PARD3B: variants seen among roughly 807,000 people sequenced by gnomAD.
The protein encoded by PARD3B is par-3 family cell polarity regulator beta.
Under a neutral mutation model 130.2 loss-of-function variants are expected in PARD3B, and 103 were observed. The ratio of observed to expected loss-of-function variants is 0.79; its 90% confidence interval spans 0.67 to 0.93. PARD3B has a LOEUF of 0.93. PARD3B is among the 40% of genes least tolerant of loss of function. PARD3B has a pLI of 0.00. For missense variants in PARD3B, 1,609 were observed against 1,499.2 expected, an observed-to-expected ratio of 1.07 and a Z score of -1.21; for synonymous variants, 583 against 553.2, an observed-to-expected ratio of 1.05 and a Z score of -0.76.
chr2:204,912,693 AC>A (rs745523063), intron 2 of PARD3B, among the ~76,000 whole-genome samples: 6 of 152,228 alleles, frequency 3.9e-5, no homozygotes, highest in Non-Finnish European at 5.9e-5. Context: ...TTGTTAAGCA[AC>A]AAAGGAAAAT....
Position 205,502,110 on chromosome 2 carries a change from C to T in PARD3B, c.3180+2079C>T, listed in dbSNP as rs1370170213. Among the ~76,000 whole-genome samples, 3 of 152,174 alleles carry T rather than the reference C, an allele frequency of 2.0e-5. No homozygotes were observed. The South Asian group carries it at 6.2e-4, about 32-fold the overall frequency. Reference sequence around the variant, plus strand: ...ATCTCAGCATCCTTTCCTCTCCTCTCCCCACGCCAAGGAAAAACACTAGTG... The same window carrying T: ...ATCTCAGCATCCTTTCCTCTCCTCTTCCCACGCCAAGGAAAAACACTAGTG... On this transcript the variant is annotated intron_variant, in intron 21 of 22. Coordinates refer to ENST00000406610, the MANE Select transcript of PARD3B (RefSeq NM_001302769.2).
At position 205,500,994 on chromosome 2, in the gene PARD3B, C is replaced by T. The variant is rs559892286; in HGVS notation, c.3180+963C>T. Among the ~76,000 whole-genome samples the T allele has an allele frequency of 7.9e-5, 12 of 152,280 alleles. No homozygotes were observed. The South Asian group carries it at 2.3e-3, about 29-fold the overall frequency. On this transcript the variant is annotated intron_variant, in intron 21 of 22. Coordinates refer to ENST00000406610, the MANE Select transcript of PARD3B (RefSeq NM_001302769.2). ...CCTTTGAAAGGCAGATCTGTTAAGGCAGGTTTCCTTTCCTGAGTTTCACAC... is the reference window on the plus strand; with the variant it reads ...CCTTTGAAAGGCAGATCTGTTAAGGTAGGTTTCCTTTCCTGAGTTTCACAC...
rs186583737 is a variant in PARD3B, at chr2:204,822,474, G to C, written c.222+136192G>C. Among the ~76,000 whole-genome samples the C allele has an allele frequency of 5.9e-5, 9 of 152,308 alleles. No individual in the cohort carries two copies. In the East Asian group the frequency reaches 1.5e-3, roughly 26 times the overall value. On this transcript the variant is annotated intron_variant, in intron 2 of 22. Coordinates refer to ENST00000406610, the MANE Select transcript of PARD3B (RefSeq NM_001302769.2). ...TTTATTTTGGCAGTTATCAGTTTATGTTGAAACAAAATACAAGCACTACAT... is the reference window on the plus strand; with the variant it reads ...TTTATTTTGGCAGTTATCAGTTTATCTTGAAACAAAATACAAGCACTACAT...
chr2:205,328,511 A>T (rs2043009238), intron 18 of PARD3B, among the ~76,000 whole-genome samples: 1 of 152,176 alleles, frequency 6.6e-6, no homozygotes. Flanking sequence ...AAAACTTCTT[A>T]TATTAAAAAT....
chr2:204,902,897 A>G (rs756048101), intron 2 of PARD3B, among the ~76,000 whole-genome samples: 4 of 152,166 alleles, frequency 2.6e-5, no homozygotes, highest in Non-Finnish European at 1.5e-5. Context: ...TATGGGTACG[A>G]CTGGTCAGTG....
intron 2 of PARD3B, among the ~76,000 whole-genome samples, chr2:204,841,122 G>A (rs2044245814): frequency 6.6e-6 from 1 of 152,032 alleles, no homozygotes; most frequent in African/African-American, 2.4e-5. Context: ...TCTGCAACTC[G>A]GTTTTCTTAT....
At chr2:205,254,221 A>G (rs2039976463) in intron 16 of PARD3B, among the ~76,000 whole-genome samples, 1 of 151,960 alleles carries the variant, frequency 6.6e-6, no homozygotes, top group Non-Finnish European at 1.5e-5. Flanking sequence ...GATTCACCAA[A>G]TGGCTGTCTA....
chr2:205,229,661 C>T lies in PARD3B; in HGVS notation c.2141-16117C>T, dbSNP rs2038732211. Among the ~76,000 whole-genome samples, 1 of 152,118 alleles carries T rather than the reference C, an allele frequency of 6.6e-6. No individual in the cohort carries two copies. The highest frequency in any genetic ancestry group is 2.4e-5 in the African/African-American group (1 of 41,436). On this transcript the variant is annotated intron_variant, in intron 15 of 22. Transcript: ENST00000406610. The surrounding 1 kb of genome is among the most constrained non-coding windows in gnomAD (Gnocchi z 5.2). The stretch of plus-strand genomic sequence containing the variant: ...TCCCTAGGCTCACAGTAACCACTGC[C>T]TGGCTACCACCTACATTTGCTTAGG...
intron 22 of PARD3B, among the ~76,000 whole-genome samples, chr2:205,582,507 G>C (rs1409525004): frequency 1.3e-5 from 2 of 152,116 alleles, no homozygotes; most frequent in African/African-American, 4.8e-5. Context: ...AGCTGTGTTT[G>C]AGGTTCTCAA....
At chr2:205,376,868 G>A (rs1450722407) in intron 18 of PARD3B, among the ~76,000 whole-genome samples, 1 of 152,098 alleles carries the variant, frequency 6.6e-6, no homozygotes, top group African/African-American at 2.4e-5. Flanking sequence ...GAAAGTACAT[G>A]GGTAGATGGC....
At chr2:204,599,549 A>T (rs2033426318) in intron 1 of PARD3B, among the ~76,000 whole-genome samples, 1 of 151,972 alleles carries the variant, frequency 6.6e-6, no homozygotes, top group African/African-American at 2.4e-5. Flanking sequence ...ATAATATTCC[A>T]TTGTGTATAT....
chr2:204,991,839 A>AT (rs1693715429), intron 3 of PARD3B, among the ~76,000 whole-genome samples: 1 of 151,316 alleles, frequency 6.6e-6, no homozygotes, highest in South Asian at 2.1e-4. Flanking sequence ...GATGATGAGC[A>AT]TTTTTTCATG....
At position 205,461,192 on chromosome 2, in the gene PARD3B, A is replaced by G. The variant is rs572353990; in HGVS notation, c.3044+20520A>G. Among the ~76,000 whole-genome samples, 2 of 152,322 alleles carry G rather than the reference A, an allele frequency of 1.3e-5. No homozygotes were observed. The highest frequency in any genetic ancestry group is 2.9e-5 in the Non-Finnish European group (2 of 68,024). On this transcript the variant is annotated intron_variant, in intron 20 of 22. Coordinates refer to ENST00000406610, the MANE Select transcript of PARD3B (RefSeq NM_001302769.2). The surrounding 1 kb of genome is among the most constrained non-coding windows in gnomAD (Gnocchi z 4.3). ...AGAAAGAAGTCACTGAGAAAGCGAC[A>G]TTTAAGTCGAGACTCAAAGAGTGAG...
At chr2:205,466,883 T>C (rs1193007392) in intron 20 of PARD3B, among the ~76,000 whole-genome samples, 1 of 152,122 alleles carries the variant, frequency 6.6e-6, no homozygotes, top group Non-Finnish European at 1.5e-5. Flanking sequence ...TGGCTAATTT[T>C]TGTGTTTTTA....
chr2:204,823,674 T>C (rs2043455684), intron 2 of PARD3B, among the ~76,000 whole-genome samples: 1 of 152,132 alleles, frequency 6.6e-6, no homozygotes, highest in Non-Finnish European at 1.5e-5. Flanking sequence ...GCACAGTTGC[T>C]CAAGCCTGTA....
chr2:205,176,714 A>G lies in PARD3B; in HGVS notation c.1924+137A>G. The G allele has an allele frequency of 1.0e-6, 1 of 982,246 alleles. No individual in the cohort carries two copies. The allele number at this position is 982,246 out of a possible 1,614,324, so 60.8% of individuals were successfully genotyped here. Reference sequence around the variant, plus strand: ...GACTTTGTTACTCGGAGTCACAAACACTGAGAGAGTTGGGGGAGAGCTGAC... The same window carrying G: ...GACTTTGTTACTCGGAGTCACAAACGCTGAGAGAGTTGGGGGAGAGCTGAC... On this transcript the variant is annotated intron_variant, in intron 13 of 22. Transcript: ENST00000406610. The surrounding 1 kb of genome is among the most constrained non-coding windows in gnomAD (Gnocchi z 5.3).
At chr2:204,603,309 AT>A (rs2033587932) in intron 1 of PARD3B, among the ~76,000 whole-genome samples, 1 of 152,106 alleles carries the variant, frequency 6.6e-6, no homozygotes, top group Non-Finnish European at 1.5e-5. Flanking sequence ...CACGTTTTGT[AT>A]TAGAAAGACT....
chr2:205,120,693 G>A (rs996526143), intron 7 of PARD3B, among the ~76,000 whole-genome samples: 1 of 152,192 alleles, frequency 6.6e-6, no homozygotes, highest in Admixed American at 6.5e-5. Context: ...ATCCTTCAGT[G>A]GAAAAATGGG....
In PARD3B at chr2:205,124,362, G is replaced by T; in HGVS notation, c.1201G>T (p.Asp401Tyr). 6.3e-7 allele frequency: 1 copy of T among 1,593,548 alleles called. No homozygotes were observed. The highest frequency in any genetic ancestry group is 1.1e-5 in the South Asian group (1 of 87,134). ...ACTTGGTTTCACTGTGGTTACCAGA[G>T]ACTCTTCCATACATGGTCCCGGTCC... ...EGLGFTVVTRDSSIHGPGPIF... is the reference protein window; with the variant it reads ...EGLGFTVVTRYSSIHGPGPIF... The change falls in exon 9 of 23, where the codon GAC (aspartate) becomes TAC (tyrosine). Residue 401 changes from aspartate to tyrosine, a missense_variant. By Grantham distance (160) the Asp-to-Tyr change is radical. Transcript: ENST00000406610.
Sources: gnomAD v4.1 joint callset for allele counts (sites outside exome capture counted in the v4.1 genomes callset) on GRCh38, gnomAD v4.1.1 for gene constraint, Gnocchi (gnomAD v3.1) non-coding constraint, MANE v1.5 for transcripts, NCBI Gene and HGNC (gene_info 2026-07-23, HGNC 2026-07-21) for gene names.